The following TRADD variants were observed in gnomAD, a reference collection of about 807,000 sequenced individuals.
TRADD encodes the protein tumor necrosis factor receptor type 1-associated DEATH domain protein.
A neutral mutation model predicts 31.5 loss-of-function variants in TRADD; 14 were observed. That is an observed-to-expected ratio of 0.44 (90% CI 0.29 to 0.69). The LOEUF is 0.69. Ranked by LOEUF, TRADD falls within the 30% of genes least tolerant of loss-of-function variation. TRADD has a pLI of 0.11. For synonymous variants in TRADD, 220 were observed against 215.8 expected (o/e 1.02, Z -0.17); for missense variants, 388 against 435.7 (o/e 0.89, Z 0.97).
rs1374568399 is a variant in TRADD, at chr16:67,156,870, C to G, written c.-8-202G>C. ...AGCCCCTTGAGCTCCTGGCTCTGTA[C>G]AGAGTCCCACCCGCCCCAGGCTTGC... On this transcript the variant is annotated intron_variant, in intron 1 of 4. Coordinates refer to ENST00000345057, the MANE Select transcript of TRADD (RefSeq NM_003789.4). This position sits in a 1 kb window ranked among gnomAD's most constrained non-coding sequence, Gnocchi z 4.6. 1.3e-5 allele frequency among the ~76,000 whole-genome samples: 2 copies of G among 152,218 alleles called. No individual in the cohort carries two copies. The highest frequency in any genetic ancestry group is 2.9e-5 in the Non-Finnish European group (2 of 68,036).
chr16:67,155,113 A>C lies in TRADD; in HGVS notation c.611T>G (p.Phe204Cys). The C allele has an allele frequency of 6.5e-7, 1 of 1,542,688 alleles. No individual in the cohort carries two copies. The highest frequency in any genetic ancestry group is 8.7e-7 in the Non-Finnish European group (1 of 1,147,258). Reference protein sequence around the residue: ...PPPPPAQTFLFQGQPVVNRPL... With the variant: ...PPPPPAQTFLCQGQPVVNRPL... ...CGCCTCACCTACAGGCTGACCCTGG[A>C]ACAGAAAAGTCTGGGCAGGTGGCGG... Residue 204 changes from phenylalanine to cysteine, a missense_variant, in exon 4 of 5, where the codon TTC (phenylalanine) becomes TGC (cysteine). Transcript: ENST00000345057.
Position 67,155,403 on chromosome 16 carries a change from A to T in TRADD, c.403T>A (p.Cys135Ser), listed in dbSNP as rs926182090. The change falls in exon 3 of 5, where the codon TGT becomes AGT. Residue 135 changes from cysteine to serine, a missense_variant. Physicochemically the swap from Cys to Ser is moderately radical, Grantham distance 112. Coordinates refer to ENST00000345057, the MANE Select transcript of TRADD (RefSeq NM_003789.4). ...TGCTGGGCTAGGATGCAACTCAAAC[A>T]GCGCTCCTCGTCCGCCAGCAAAGCG... is the stretch of plus-strand genomic sequence containing the variant. ...LDALLADEER[C>S]LSCILAQQPD... 3 of 1,598,668 alleles carry T rather than the reference A, an allele frequency of 1.9e-6. No homozygotes were observed. Among genetic ancestry groups the T allele is most frequent in the Non-Finnish European group, 2.5e-6 (3 of 1,179,650 alleles).
chr16:67,155,130 A>AGGTGGC lies in TRADD; in HGVS notation c.588_593dup (p.Pro197_Pro198dup), dbSNP rs766165227. The AGGTGGC allele has an allele frequency of 2.6e-6, 4 of 1,545,378 alleles. No homozygotes were observed. The African/African-American group carries it at 5.5e-5, about 21-fold the overall frequency. ...GACCCTGGAACAGAAAAGTCTGGGC[A>AGGTGGC]GGTGGCGGCGGCGGCGGCGGCTTCA... On this transcript the variant is annotated inframe_insertion, in exon 4 of 5. Coordinates refer to ENST00000345057, the MANE Select transcript of TRADD (RefSeq NM_003789.4).
Position 67,156,408 on chromosome 16 carries a change from C to T in TRADD, c.151+102G>A. On this transcript the variant is annotated intron_variant, in intron 2 of 4. Coordinates refer to ENST00000345057, the MANE Select transcript of TRADD (RefSeq NM_003789.4). This position sits in a 1 kb window ranked among gnomAD's most constrained non-coding sequence, Gnocchi z 4.6. ...CAGCCAGGGGTCCTCCGTCTTGCTC[C>T]TCCCACCCCAAATCTTCTTCTTAAA... 6.4e-7 allele frequency: 1 copy of T among 1,565,200 alleles called. No homozygotes were observed. Among genetic ancestry groups the T allele is most frequent in the Non-Finnish European group, 8.7e-7 (1 of 1,153,402 alleles).
At chr16:67,158,063 A>G (rs2030764675) in intron 1 of TRADD, among the ~76,000 whole-genome samples, 1 of 152,230 alleles carries the variant, frequency 6.6e-6, no homozygotes, top group African/African-American at 2.4e-5. Flanking sequence ...GGGGTGGCCC[A>G]GCTGCCATCT....
rs758306800 is a variant in TRADD at position 67,154,825 on chromosome 16, C to G, written c.763G>C (p.Glu255Gln). 5.7e-6 allele frequency: 9 copies of G among 1,591,366 alleles called. No homozygotes were observed. The highest frequency in any genetic ancestry group is 7.7e-6 in the Non-Finnish European group (9 of 1,170,236). ...TCGTACAGTCCCTCGCGCTCGTACT[C>G]GTAGGCCAGCGAGTCCAGCGCCGGG... ...RDPALDSLAY[E>Q]YEREGLYEQA... Residue 255 changes from glutamate to glutamine, a missense_variant, in exon 5 of 5, where the codon GAG becomes CAG. Transcript: ENST00000345057. The surrounding 1 kb of genome is among the most constrained non-coding windows in gnomAD (Gnocchi z 5.2).
At chr16:67,158,788 G>C (rs561479324) in intron 1 of TRADD, among the ~76,000 whole-genome samples, 83 of 152,308 alleles carry the variant, frequency 5.4e-4, no homozygotes, top group Non-Finnish European at 1.0e-3. Context: ...GATAAGGGGG[G>C]AGTCCTTCGA....
Position 67,155,625 on chromosome 16 carries a change from T to TCTG in TRADD, c.178_180dup (p.Gln60dup). ...GGGTCGCTGCGGTGGATCTTCAGCATCTGCAGCACGTCCGGGCTCCCGCCG... is the reference window on the plus strand; with the variant it reads ...GGGTCGCTGCGGTGGATCTTCAGCATCTGCTGCAGCACGTCCGGGCTCCCGCCG... On this transcript the variant is annotated inframe_insertion, in exon 3 of 5. Coordinates refer to ENST00000345057, the MANE Select transcript of TRADD (RefSeq NM_003789.4). 1.9e-6 allele frequency: 3 copies of TCTG among 1,558,136 alleles called. No homozygotes were observed. Among genetic ancestry groups the TCTG allele is most frequent in the Non-Finnish European group, 2.6e-6 (3 of 1,158,962 alleles).
rs750790937 is a variant in TRADD at position 67,155,610 on chromosome 16, G to T, written c.196C>A (p.Arg66Ser). The T allele has an allele frequency of 4.5e-6, 7 of 1,556,638 alleles. No individual in the cohort carries two copies. The South Asian group carries it at 8.1e-5, about 18-fold the overall frequency. ...TGCACGATCAGCTGCGGGTCGCTGCGGTGGATCTTCAGCATCTGCAGCACG... is the reference window on the plus strand; with the variant it reads ...TGCACGATCAGCTGCGGGTCGCTGCTGTGGATCTTCAGCATCTGCAGCACG... ...PDVLQMLKIHRSDPQLIVQLR... is the reference protein window; with the variant it reads ...PDVLQMLKIHSSDPQLIVQLR... The change falls in exon 3 of 5, where the codon CGC becomes AGC. Residue 66 changes from arginine to serine, a missense_variant. By Grantham distance (110) the Arg-to-Ser change is moderately radical (BLOSUM62 -1). Coordinates refer to ENST00000345057, the MANE Select transcript of TRADD (RefSeq NM_003789.4).
In TRADD at chr16:67,155,503, C is replaced by A; in HGVS notation, c.303G>T (p.Arg101Ser). 6.5e-7 allele frequency: 1 copy of A among 1,546,318 alleles called. No homozygotes were observed. Among genetic ancestry groups the A allele is most frequent in the Non-Finnish European group, 8.7e-7 (1 of 1,153,004 alleles). The change falls in exon 3 of 5, where the codon AGG (arginine) becomes AGT (serine). Residue 101 changes from arginine to serine, a missense_variant. Coordinates refer to ENST00000345057, the MANE Select transcript of TRADD (RefSeq NM_003789.4). The part of the protein sequence containing the change: ...REGALRAALQ[R>S]SLAAALAQHS... ...GCTGGGCGAGCGCGGCCGCCAGGCTCCTCTGCAGCGCGGCGCGCAGCGCCC... is the reference window on the plus strand; with the variant it reads ...GCTGGGCGAGCGCGGCCGCCAGGCTACTCTGCAGCGCGGCGCGCAGCGCCC...
At position 67,155,246 on chromosome 16, in the gene TRADD, G is replaced by GC; in HGVS notation, c.477dup (p.Arg160AlafsTer200). 6.2e-7 allele frequency: 1 copy of GC among 1,608,424 alleles called. No homozygotes were observed. On this transcript the variant is annotated frameshift_variant, in exon 4 of 5. Coordinates refer to ENST00000345057, the MANE Select transcript of TRADD (RefSeq NM_003789.4). LOFTEE classifies it high-confidence loss of function. ...GCCCCCGAGCCGCACTTCAGATTTC[G>GC]CAGCGCATCCTCCAGCTCAGCCAGT...
intron 3 of TRADD, 32 bp from the exon 4 acceptor site, chr16:67,155,326 C>T: frequency 6.2e-7 from 1 of 1,608,230 alleles, no homozygotes; most frequent in Non-Finnish European, 8.5e-7. Context: ...TCACGGGGGA[C>T]TTAACCGCGG....
Position 67,156,571 on chromosome 16 carries a change from A to G in TRADD, c.90T>C (p.Asp30=). The G allele has an allele frequency of 5.6e-6, 9 of 1,614,028 alleles. No individual in the cohort carries two copies. The highest frequency in any genetic ancestry group is 7.6e-6 in the Non-Finnish European group (9 of 1,180,040). Reference sequence around the variant, plus strand: ...CCTTCTGCTGGGGGTGCGCGTAGGCATCCGACAGGACCACCTTGTCCAGCG... The same window carrying G: ...CCTTCTGCTGGGGGTGCGCGTAGGCGTCCGACAGGACCACCTTGTCCAGCG... The part of the protein sequence containing the change: ...ESSLDKVVLS[D]AYAHPQQKVA... Residue 30 remains aspartate, a synonymous_variant, in exon 2 of 5, where the codon GAT becomes GAC. Transcript: ENST00000345057. The surrounding 1 kb of genome is among the most constrained non-coding windows in gnomAD (Gnocchi z 4.6).
At chr16:67,155,756 C>T (rs1167061048) in intron 2 of TRADD, 102 bp from the exon 3 acceptor site, 1 of 1,470,934 alleles carries the variant, frequency 6.8e-7, no homozygotes, top group African/African-American at 1.4e-5. Flanking sequence ...CGCGTCCCAT[C>T]CCCTGACCTA....
At position 67,159,027 on chromosome 16, in the gene TRADD, C is replaced by T. The variant is rs139182320; in HGVS notation, c.-9+811G>A. On this transcript the variant is annotated intron_variant, in intron 1 of 4. Coordinates refer to ENST00000345057, the MANE Select transcript of TRADD (RefSeq NM_003789.4). The surrounding 1 kb of genome is among the most constrained non-coding windows in gnomAD (Gnocchi z 6.8). ...GACTGGGGATGCTTTCTCACACTCA[C>T]TAGTACTAGAAGATGGGGAAGGTGA... 2.7e-3 allele frequency among the ~76,000 whole-genome samples: 414 copies of T among 152,260 alleles called. 1 individual carries two copies. Among genetic ancestry groups the T allele is most frequent in the Non-Finnish European group, 5.1e-3 (346 of 68,018 alleles).
chr16:67,157,530 A>T (rs181223755), intron 1 of TRADD, among the ~76,000 whole-genome samples: 1 of 152,322 alleles, frequency 6.6e-6, no homozygotes, highest in Admixed American at 6.5e-5. Flanking sequence ...ACACAGAAAG[A>T]AAGAGTCAAG....
In TRADD at chr16:67,159,202, C is replaced by T. The variant is rs949564656; in HGVS notation, c.-9+636G>A. Among the ~76,000 whole-genome samples the T allele has an allele frequency of 6.6e-6, 1 of 152,240 alleles. No homozygotes were observed. The highest frequency in any genetic ancestry group is 2.4e-5 in the African/African-American group (1 of 41,470). On this transcript the variant is annotated intron_variant, in intron 1 of 4. Coordinates refer to ENST00000345057, the MANE Select transcript of TRADD (RefSeq NM_003789.4). This position sits in a 1 kb window ranked among gnomAD's most constrained non-coding sequence, Gnocchi z 6.8. The stretch of plus-strand genomic sequence containing the variant: ...CCACCAGGAGTCGTCCCTTTTTGGG[C>T]GGGGCTGAGGCTTCCAGGCTGGGTC...
rs1178105827 is a variant in TRADD at position 67,156,701 on chromosome 16, T to TC, written c.-8-34dup. Reference sequence around the variant, plus strand: ...TGCAGACAGTCAGGTATCCAGTTCATCCCCCCTCCCTCCACCCTGGAGACA... The same window carrying TC: ...TGCAGACAGTCAGGTATCCAGTTCATCCCCCCCTCCCTCCACCCTGGAGACA... On this transcript the variant is annotated intron_variant, in intron 1 of 4. Transcript: ENST00000345057. The surrounding 1 kb of genome is among the most constrained non-coding windows in gnomAD (Gnocchi z 4.6). The TC allele has an allele frequency of 3.1e-6, 5 of 1,611,118 alleles. No individual in the cohort carries two copies. Among genetic ancestry groups the TC allele is most frequent in the Middle Eastern group, 1.6e-4 (1 of 6,062 alleles).
rs2030655056 is a variant in TRADD at position 67,155,525 on chromosome 16, G to A, written c.281C>T (p.Ala94Val). The A allele has an allele frequency of 6.6e-7, 1 of 1,522,046 alleles. No homozygotes were observed. Among genetic ancestry groups the A allele is most frequent in the Non-Finnish European group, 8.7e-7 (1 of 1,143,054 alleles). 94.3% of individuals were successfully genotyped at this position (1,522,046 alleles called of 1,614,324 possible). A position where few individuals can be genotyped will look rare whatever the true frequency, so the allele number is the denominator to read the frequency against. Reference sequence around the variant, plus strand: ...GCTCCTCTGCAGCGCGGCGCGCAGCGCCCCCTCGCGGTAGGCGCGGAGGAA... The same window carrying A: ...GCTCCTCTGCAGCGCGGCGCGCAGCACCCCCTCGCGGTAGGCGCGGAGGAA... ...GRFLRAYREGALRAALQRSLA... is the reference protein window; with the variant it reads ...GRFLRAYREGVLRAALQRSLA... The change falls in exon 3 of 5, where the codon GCG becomes GTG. Residue 94 changes from alanine to valine, a missense_variant. Ala to Val is a moderately conservative substitution (Grantham distance 64). Coordinates refer to ENST00000345057, the MANE Select transcript of TRADD (RefSeq NM_003789.4).
Sources: gnomAD v4.1 joint callset for allele counts (sites outside exome capture counted in the v4.1 genomes callset) on GRCh38, gnomAD v4.1.1 for gene constraint, Gnocchi (gnomAD v3.1) non-coding constraint, MANE v1.5 for transcripts, NCBI Gene and HGNC (gene_info 2026-07-23, HGNC 2026-07-21) for gene names.